COL18A1: variants seen among roughly 807,000 people sequenced by gnomAD.
COL18A1 encodes collagen alpha-1(XVIII) chain.
A neutral mutation model predicts 168.0 loss-of-function variants in COL18A1; 133 were observed. The ratio of observed to expected loss-of-function variants is 0.79; its 90% CI spans 0.69 to 0.91. The LOEUF is 0.91. COL18A1 is among the 40% of genes least tolerant of loss of function. The pLI, the probability that COL18A1 is intolerant of heterozygous loss-of-function variation, is 0.00. For missense variants in COL18A1, 2,126 were observed against 1,925.4 expected (o/e 1.10, Z -1.95); for synonymous variants, 949 against 809.0 (o/e 1.17, Z -2.94).
rs773440175 is a variant in COL18A1 at position 45,468,758 on chromosome 21, C to T, written c.623C>T (p.Ala208Val). ...EPGAGLFVAQ[A>V]GGADPDKFQG... ...GGCGCCGGGCTCTTCGTGGCTCAGG[C>T]GGGGGGAGCGGACCCTGACAAGTTC... Residue 208 changes from alanine to valine, a missense_variant, in exon 3 of 42, where the codon GCG becomes GTG. By Grantham distance (64) the Ala-to-Val change is moderately conservative. Coordinates refer to ENST00000651438, the MANE Select transcript of COL18A1 (RefSeq NM_001379500.1). 5.7e-6 allele frequency: 8 copies of T among 1,406,848 alleles called. No homozygotes were observed. Among genetic ancestry groups the T allele is most frequent in the South Asian group, 3.4e-5 (3 of 88,448 alleles). The allele number at this position is 1,406,848 out of a possible 1,614,324, so 87.1% of individuals were successfully genotyped here.
chr21:45,459,388 C>A (rs1193791621), intron 2 of COL18A1, among the ~76,000 whole-genome samples: 1 of 152,154 alleles, frequency 6.6e-6, no homozygotes, highest in Non-Finnish European at 1.5e-5. Context: ...ACAGAGCCCT[C>A]GAGGCCCACA....
In COL18A1 at chr21:45,509,485, C is replaced by A. The variant is rs375753362; in HGVS notation, c.3379C>A (p.Arg1127Ser). Reference protein sequence around the residue: ...RADDILASPPRLPEPQPYPGA... With the variant: ...RADDILASPPSLPEPQPYPGA... ...AGATGACATCCTGGCCAGCCCCCCT[C>A]GCCTGCCCGAGCCCCAGCCCTACCC... Residue 1127 changes from arginine to serine, a missense_variant, in exon 39 of 42, where the codon CGC (arginine) becomes AGC (serine). Physicochemically the swap from Arg to Ser is moderately radical, Grantham distance 110 (BLOSUM62 -1). Coordinates refer to ENST00000651438, the MANE Select transcript of COL18A1 (RefSeq NM_001379500.1). 1.3e-6 allele frequency: 2 copies of A among 1,526,688 alleles called. No individual in the cohort carries two copies. The highest frequency in any genetic ancestry group is 2.4e-5 in the East Asian group (1 of 41,524). 94.6% of individuals were successfully genotyped at this position (1,526,688 alleles called of 1,614,324 possible).
intron 21 of COL18A1, 143 bp downstream of exon 21, chr21:45,491,014 T>C (rs2036322453): frequency 1.1e-6 from 1 of 919,904 alleles, no homozygotes; most frequent in Non-Finnish European, 1.7e-6. Flanking sequence ...TTGACAGGGG[T>C]GGCTTTCAGG....
intron 25 of COL18A1, 62 bp downstream of exon 25, chr21:45,493,287 C>G (rs1182502445): frequency 4.6e-6 from 7 of 1,522,494 alleles, no homozygotes; most frequent in Middle Eastern, 1.7e-4. Flanking sequence ...TCCAGCCTGC[C>G]CAGATGACCA....
rs1292038332 is a variant in COL18A1 at position 45,495,451 on chromosome 21, G to T, written c.2508+19G>T. 5 of 1,592,490 alleles carry T rather than the reference G, an allele frequency of 3.1e-6. No individual in the cohort carries two copies. Among genetic ancestry groups the T allele is most frequent in the Non-Finnish European group, 2.6e-6 (3 of 1,167,806 alleles). ...CATGAGGGTGAGTGTCTCTCAAGGG[G>T]CGGACTGGGTGGCTGGGAGACCAGG... On this transcript the variant is annotated intron_variant, in intron 29 of 41. Coordinates refer to ENST00000651438, the MANE Select transcript of COL18A1 (RefSeq NM_001379500.1).
At chr21:45,480,357 C>A in intron 11 of COL18A1, 110 bp from the exon 12 acceptor site, 1 of 1,596,936 alleles carries the variant, frequency 6.3e-7, no homozygotes, top group South Asian at 1.1e-5. Flanking sequence ...CGTGGTTTCT[C>A]AGCTCCTTGT....
chr21:45,487,653 G>T, intron 17 of COL18A1, 144 bp downstream of exon 17: 1 of 1,040,464 alleles, frequency 9.6e-7, no homozygotes, highest in South Asian at 1.3e-5. Flanking sequence ...GGCGGGCGCT[G>T]TGCCCCGCGG....
chr21:45,447,195 TTA>T (rs370444245), intron 2 of COL18A1, among the ~76,000 whole-genome samples: 37 of 149,984 alleles, frequency 2.5e-4, no homozygotes, highest in African/African-American at 7.1e-4. Flanking sequence ...AGGCCAGATC[TTA>T]TATATATATA....
At position 45,476,433 on chromosome 21, in the gene COL18A1, C is replaced by G. The variant is rs1312720873; in HGVS notation, c.881C>G (p.Ser294Cys). ...GCTGGAGGCAGCAGCACGGAAGATTCCAGAAGTGAAGAAGTCGAGGAGCAG... is the reference window on the plus strand; with the variant it reads ...GCTGGAGGCAGCAGCACGGAAGATTGCAGAAGTGAAGAAGTCGAGGAGCAG... ...PLAGGSSTED[S>C]RSEEVEEQTT... is the part of the protein sequence containing the mutation. Residue 294 changes from serine to cysteine, a missense_variant, in exon 6 of 42, where the codon TCC becomes TGC. Ser to Cys is a moderately radical substitution (Grantham distance 112). Coordinates refer to ENST00000651438, the MANE Select transcript of COL18A1 (RefSeq NM_001379500.1). 11 of 1,613,890 alleles carry G rather than the reference C, an allele frequency of 6.8e-6. No homozygotes were observed. The highest frequency in any genetic ancestry group is 9.3e-6 in the Non-Finnish European group (11 of 1,179,998).
In COL18A1 at chr21:45,456,043, C is replaced by T. The variant is rs756054515; in HGVS notation, c.107-12199C>T. On this transcript the variant is annotated intron_variant, in intron 2 of 41. Transcript: ENST00000651438. ...AGAATGGGACCACTCTCTGGCCCAG[C>T]CGTGGCATTCCTAGCTCTCCGGGCG... 16 of 1,607,994 alleles carry T rather than the reference C, an allele frequency of 1.0e-5. No homozygotes were observed. In the East Asian group the frequency reaches 1.1e-4, roughly 11 times the overall value.
intron 2 of COL18A1, among the ~76,000 whole-genome samples, chr21:45,459,681 C>T (rs1382160912): frequency 2.0e-5 from 3 of 152,210 alleles, no homozygotes; most frequent in Non-Finnish European, 4.4e-5. Context: ...TGGGCTTGTC[C>T]CTCAGGTCCA....
chr21:45,481,444 G>A (rs150588264), intron 13 of COL18A1, among the ~76,000 whole-genome samples: 20 of 152,308 alleles, frequency 1.3e-4, no homozygotes, highest in Non-Finnish European at 2.5e-4. Context: ...GGGGTCACTC[G>A]GTAGCATGCC....
Position 45,480,420 on chromosome 21 carries a change from G to C in COL18A1, c.1399-47G>C, listed in dbSNP as rs367920042. The stretch of plus-strand genomic sequence containing the variant: ...GGCAGGGGCCAGGAGTAGGCCAGGC[G>C]GGGGGCCGAGCTCAGGGCAACGTGT... On this transcript the variant is annotated intron_variant, in intron 11 of 41. Coordinates refer to ENST00000651438, the MANE Select transcript of COL18A1 (RefSeq NM_001379500.1). 1.1e-5 allele frequency: 18 copies of C among 1,613,594 alleles called. No homozygotes were observed. In the African/African-American group the frequency reaches 1.3e-4, roughly 12 times the overall value.
Position 45,509,424 on chromosome 21 carries a change from G to T in COL18A1, c.3318G>T (p.Arg1106=). The T allele has an allele frequency of 6.5e-7, 1 of 1,537,956 alleles. No homozygotes were observed. Reference sequence around the variant, plus strand: ...ACGACAGCAACCCCTACCCGCGGCGGGAGCACCCCCACCCCACCGCGCGGC... The same window carrying T: ...ACGACAGCAACCCCTACCCGCGGCGTGAGCACCCCCACCCCACCGCGCGGC... ...QLHDSNPYPR[R]EHPHPTARPW... is the part of the protein sequence containing the mutation. Residue 1106 remains arginine, a synonymous_variant, in exon 39 of 42, where the codon CGG becomes CGT. Transcript: ENST00000651438.
At chr21:45,469,928 A>G (rs2035351541) in intron 3 of COL18A1, among the ~76,000 whole-genome samples, 1 of 152,158 alleles carries the variant, frequency 6.6e-6, no homozygotes, top group Non-Finnish European at 1.5e-5. Flanking sequence ...CTTGATCACA[A>G]ACATGATTAC....
chr21:45,484,457 GCA>G (rs898085194), intron 15 of COL18A1, among the ~76,000 whole-genome samples: 4 of 143,370 alleles, frequency 2.8e-5, no homozygotes, highest in African/African-American at 5.3e-5. Flanking sequence ...CAGCATGTGT[GCA>G]CACACATGCA....
At chr21:45,480,025 C>T (rs1381100001) in intron 10 of COL18A1, 45 bp from the exon 11 acceptor site, 4 of 1,612,118 alleles carry the variant, frequency 2.5e-6, no homozygotes, top group South Asian at 2.2e-5. Flanking sequence ...AAGGTGGGGG[C>T]TGTGTGCGTG....
At chr21:45,450,336 C>CT (rs1188290302) in intron 2 of COL18A1, among the ~76,000 whole-genome samples, 2 of 152,194 alleles carry the variant, frequency 1.3e-5, no homozygotes, top group Admixed American at 1.3e-4. Context: ...CTCCCCCAGC[C>CT]TTCAGGGTCG....
chr21:45,510,290 G>A, intron 40 of COL18A1, 29 bp downstream of exon 40: 5 of 1,569,174 alleles, frequency 3.2e-6, no homozygotes, highest in Non-Finnish European at 4.3e-6. Context: ...GAGGGCGCGG[G>A]CTCCTCGGCC....
Sources: gnomAD v4.1 joint callset for allele counts (sites outside exome capture counted in the v4.1 genomes callset) on GRCh38, gnomAD v4.1.1 for gene constraint, MANE v1.5 for transcripts, NCBI Gene and HGNC (gene_info 2026-07-23, HGNC 2026-07-21) for gene names.